HERC2: variants seen among roughly 807,000 people sequenced by gnomAD.
The protein encoded by HERC2 is E3 ubiquitin-protein ligase HERC2.
A neutral mutation model predicts 537.7 loss-of-function variants in HERC2; 102 were observed. The observed-to-expected ratio is 0.19, with a 90% CI of 0.16 to 0.22. The LOEUF (loss-of-function observed/expected upper bound fraction) is 0.22. Ranked by LOEUF, HERC2 falls within the 10% of genes least tolerant of loss-of-function variation. The pLI, the probability that HERC2 is intolerant of heterozygous loss-of-function variation, is 1.00. For missense variants in HERC2, 4,236 were observed against 6,198.2 expected (o/e 0.68, Z 10.63); for synonymous variants, 2,224 against 2,466.2 (o/e 0.90, Z 2.91).
rs1895315547 is a variant in HERC2 at position 28,176,620 on chromosome 15, T to C, written c.9515-21A>G. On this transcript the variant is annotated intron_variant, in intron 62 of 92. Coordinates refer to ENST00000261609, the MANE Select transcript of HERC2 (RefSeq NM_004667.6). This position sits in a 1 kb window ranked among gnomAD's most constrained non-coding sequence, Gnocchi z 5.0. ...CAAACCTAGGTTTAAGAAACACATA[T>C]ACTTCAGGCCAGCGTTTCATATCAT... The C allele has an allele frequency of 6.2e-7, 1 of 1,613,986 alleles. No individual in the cohort carries two copies. Among genetic ancestry groups the C allele is most frequent in the East Asian group, 2.2e-5 (1 of 44,864 alleles).
intron 78 of HERC2, among the ~76,000 whole-genome samples, chr15:28,136,447 C>G (rs1340197867): frequency 6.6e-6 from 1 of 152,242 alleles, no homozygotes; most frequent in Non-Finnish European, 1.5e-5. Flanking sequence ...CTCTGGTGCA[C>G]AGGGTGCAGG....
chr15:28,229,400 A>G, intron 33 of HERC2, 54 bp from the exon 34 acceptor site: 1 of 1,613,592 alleles, frequency 6.2e-7, no homozygotes, highest in South Asian at 1.1e-5. Flanking sequence ...CTTCTGTTAC[A>G]GAACAACATT....
At chr15:28,267,030 G>A (rs1049854849) in intron 12 of HERC2, among the ~76,000 whole-genome samples, 1 of 152,208 alleles carries the variant, frequency 6.6e-6, no homozygotes, top group Non-Finnish European at 1.5e-5. Flanking sequence ...GGGGATTAGG[G>A]TAGAGAAGTC....
chr15:28,282,867 G>A (rs113957516), intron 4 of HERC2, among the ~76,000 whole-genome samples: 8 of 151,782 alleles, frequency 5.3e-5, no homozygotes, highest in East Asian at 3.9e-4. Context: ...GGGAGGCGGC[G>A]GTTGCAGTGA....
chr15:28,285,445 C>T (rs150101715), intron 4 of HERC2, among the ~76,000 whole-genome samples: 93 of 152,010 alleles, frequency 6.1e-4, no homozygotes, highest in Non-Finnish European at 1.2e-3. Flanking sequence ...CTAAATAATC[C>T]ATGGATCAAA....
chr15:28,140,289 C>A (rs1368639260), intron 78 of HERC2, among the ~76,000 whole-genome samples: 1 of 152,056 alleles, frequency 6.6e-6, no homozygotes, highest in African/African-American at 2.4e-5. Flanking sequence ...CCACTCCTAC[C>A]CAGAATCACA....
chr15:28,227,526 T>C (rs1214334678), intron 35 of HERC2, among the ~76,000 whole-genome samples: 1 of 149,884 alleles, frequency 6.7e-6, no homozygotes, highest in Non-Finnish European at 1.5e-5. Context: ...ACTGGAACCC[T>C]GGAATCCTGC....
chr15:28,198,542 A>T (rs772856751), intron 49 of HERC2, 39 bp from the exon 50 acceptor site: 1 of 1,610,042 alleles, frequency 6.2e-7, no homozygotes, highest in Admixed American at 1.7e-5. Flanking sequence ...ATCAATATTC[A>T]TTTAAGGGAA....
intron 3 of HERC2, among the ~76,000 whole-genome samples, chr15:28,294,633 G>A (rs1210903780): frequency 4.6e-5 from 7 of 151,302 alleles, no homozygotes; most frequent in African/African-American, 7.3e-5. Flanking sequence ...CATCCCTGCC[G>A]GCCCAGAGTT....
At chr15:28,135,089 T>G (rs1421522062) in intron 79 of HERC2, among the ~76,000 whole-genome samples, 1 of 152,210 alleles carries the variant, frequency 6.6e-6, no homozygotes, top group East Asian at 1.9e-4. Context: ...TGGTTCATTC[T>G]TTTACAAATG....
At chr15:28,290,500 G>A (rs1567124975) in intron 4 of HERC2, among the ~76,000 whole-genome samples, 1 of 152,076 alleles carries the variant, frequency 6.6e-6, no homozygotes, top group African/African-American at 2.4e-5. Context: ...AAAGTGTTGG[G>A]ATTACAGGCA....
At chr15:28,150,648 C>CTAACCAAGAACA (rs1474651073) in intron 70 of HERC2, among the ~76,000 whole-genome samples, 1 of 150,832 alleles carries the variant, frequency 6.6e-6, no homozygotes, top group Non-Finnish European at 1.5e-5. Flanking sequence ...CACACGGCTC[C>CTAACCAAGAACA]TAACCAAGAA....
At chr15:28,165,626 GA>G (rs1018529588) in intron 68 of HERC2, among the ~76,000 whole-genome samples, 1 of 144,836 alleles carries the variant, frequency 6.9e-6, no homozygotes, top group Admixed American at 6.9e-5. Context: ...ACCTATCTCT[GA>G]AAAAAAAAGA....
chr15:28,172,073 CAA>C (rs371110090), intron 65 of HERC2, among the ~76,000 whole-genome samples: 4 of 55,068 alleles, frequency 7.3e-5, no homozygotes, highest in Non-Finnish European at 1.1e-4. Flanking sequence ...GACTCCGTCT[CAA>C]AAAAAAAAAA....
chr15:28,192,751 A>G (rs1240517264), intron 52 of HERC2, among the ~76,000 whole-genome samples: 1 of 152,208 alleles, frequency 6.6e-6, no homozygotes, highest in Non-Finnish European at 1.5e-5. Flanking sequence ...ACCAGGTTCC[A>G]AGCAAAGTCC....
intron 55 of HERC2, among the ~76,000 whole-genome samples, chr15:28,188,193 C>T (rs1896497307): frequency 6.6e-6 from 1 of 151,916 alleles, no homozygotes; most frequent in Admixed American, 6.6e-5. Context: ...TGCAAAAGGA[C>T]ATTTACAAGA....
chr15:28,179,409 T>C (rs2140174069), intron 57 of HERC2, among the ~76,000 whole-genome samples, 186 bp from the exon 58 acceptor site: 1 of 152,352 alleles, frequency 6.6e-6, no homozygotes, highest in Admixed American at 6.5e-5. Flanking sequence ...AAATCCTTAC[T>C]GCCTAGTGGT....
intron 2 of HERC2, among the ~76,000 whole-genome samples, chr15:28,315,373 CGA>C (rs2077053859): frequency 6.6e-6 from 1 of 152,228 alleles, no homozygotes; most frequent in Non-Finnish European, 1.5e-5. Context: ...AGACTGGAGC[CGA>C]AGGGCGGCTC....
chr15:28,271,090 C>T (rs934324301), intron 9 of HERC2, among the ~76,000 whole-genome samples: 16 of 152,088 alleles, frequency 1.1e-4, no homozygotes, highest in African/African-American at 3.4e-4. Flanking sequence ...ACATTGACTG[C>T]GCATGTATAC....
Sources: allele counts gnomAD v4.1 joint callset (sites outside exome capture counted in the v4.1 genomes callset), GRCh38; gene constraint gnomAD v4.1.1; non-coding constraint Gnocchi (gnomAD v3.1); transcripts MANE v1.5; gene names NCBI Gene and HGNC (gene_info 2026-07-23, HGNC 2026-07-21).